Variants in PER3 observed in about 807,000 individuals in gnomAD.
PER3 encodes the protein period circadian regulator 3, also known as period circadian protein homolog 3.
Under a neutral mutation model 127.2 loss-of-function variants are expected in PER3, and 107 were observed. The observed-to-expected ratio is 0.84, with a 90% CI of 0.72 to 0.99. The LOEUF (loss-of-function observed/expected upper bound fraction) is 0.99, where lower values mean the gene tolerates loss of function less well. PER3 is among the 50% of genes least tolerant of loss of function. The pLI, the probability that PER3 is intolerant of heterozygous loss-of-function variation, is 0.00. For synonymous variants in PER3, 618 were observed against 585.8 expected (o/e 1.05, Z -0.79); for missense variants, 1,560 against 1,525.8 (o/e 1.02, Z -0.37).
At chr1:7,831,245 C>T (rs1350974724) in intron 19 of PER3, among the ~76,000 whole-genome samples, 7 of 152,112 alleles carry the variant, frequency 4.6e-5, no homozygotes, top group Non-Finnish European at 1.5e-5. Context: ...TTTAAATTTT[C>T]AATTTGCAAT....
intron 18 of PER3, among the ~76,000 whole-genome samples, chr1:7,829,520 A>G (rs1320974128): frequency 6.6e-6 from 1 of 152,224 alleles, no homozygotes; most frequent in Non-Finnish European, 1.5e-5. Flanking sequence ...TGTTACTTGA[A>G]CACAAGCACT....
At chr1:7,823,818 C>T (rs540303980) in intron 16 of PER3, among the ~76,000 whole-genome samples, 5 of 152,296 alleles carry the variant, frequency 3.3e-5, no homozygotes, top group African/African-American at 4.8e-5. Flanking sequence ...ACTTAGAGAA[C>T]GTGAGACCCA....
intron 6 of PER3, among the ~76,000 whole-genome samples, chr1:7,795,909 C>T (rs1448657274): frequency 6.6e-6 from 1 of 152,204 alleles, no homozygotes; most frequent in Non-Finnish European, 1.5e-5. Context: ...CCCCTCTTCC[C>T]AGGTTACCAG....
chr1:7,835,872 G>T lies in PER3; in HGVS notation c.3325G>T (p.Ala1109Ser). The T allele has an allele frequency of 3.1e-6, 5 of 1,611,154 alleles. No individual in the cohort carries two copies. The highest frequency in any genetic ancestry group is 4.2e-6 in the Non-Finnish European group (5 of 1,177,272). The change falls in exon 20 of 22, where the codon GCC becomes TCC. Residue 1109 changes from alanine to serine, a missense_variant. Ala to Ser is a moderately conservative substitution (Grantham distance 99). Transcript: ENST00000377532. ...VQKKETFPNVAEEPIWRMIRQ... is the reference protein window; with the variant it reads ...VQKKETFPNVSEEPIWRMIRQ... ...GAAAAAAGAAACATTTCCTAATGTC[G>T]CCGAAGAGCCCATCTGGAGAATGAT...
intron 16 of PER3, among the ~76,000 whole-genome samples, chr1:7,825,793 A>C (rs2097298635): frequency 6.6e-6 from 1 of 152,106 alleles, no homozygotes; most frequent in Non-Finnish European, 1.5e-5. Flanking sequence ...TGGGAGGCTG[A>C]AGCAGGAGAA....
At chr1:7,786,600 T>C in intron 3 of PER3, 121 bp from the exon 4 acceptor site, 1 of 576,038 alleles carries the variant, frequency 1.7e-6, no homozygotes, top group Non-Finnish European at 3.2e-6. Context: ...GATCTGTTTT[T>C]GAGAAAAATG....
chr1:7,796,744 G>A (rs967914262), intron 6 of PER3, among the ~76,000 whole-genome samples: 1 of 152,098 alleles, frequency 6.6e-6, no homozygotes, highest in Non-Finnish European at 1.5e-5. Flanking sequence ...CCAGCGTTCC[G>A]GGGGGAGGTA....
intron 16 of PER3, among the ~76,000 whole-genome samples, chr1:7,821,671 C>T (rs576739487): frequency 5.9e-5 from 9 of 152,160 alleles, no homozygotes; most frequent in African/African-American, 2.2e-4. Flanking sequence ...CTTATATGAC[C>T]GTTTTTAATG....
intron 10 of PER3, among the ~76,000 whole-genome samples, chr1:7,806,449 C>G (rs1175872083): frequency 3.9e-5 from 6 of 152,132 alleles, no homozygotes; most frequent in Non-Finnish European, 5.9e-5. Context: ...TTCATGAAGG[C>G]TGTCTCCTTA....
At chr1:7,806,812 A>AAAAAAAAAAAAAAATATATATATATATAT (rs61141023) in intron 10 of PER3, among the ~76,000 whole-genome samples, 1 of 60,632 alleles carries the variant, frequency 1.6e-5, no homozygotes, top group Non-Finnish European at 2.9e-5. Context: ...AAAAAAAAAA[A>AAAAAAAAAAAAAAATATATATATATATAT]ATATATATAT....
At chr1:7,828,959 G>A (rs2097315685) in intron 18 of PER3, among the ~76,000 whole-genome samples, 1 of 152,104 alleles carries the variant, frequency 6.6e-6, no homozygotes, top group African/African-American at 2.4e-5. Flanking sequence ...CTACTTGTGG[G>A]GTGCCTGGCA....
rs778942800 is a variant in PER3, at chr1:7,794,025, G to T, written c.644+17G>T. On this transcript the variant is annotated intron_variant, in intron 6 of 21. Coordinates refer to ENST00000377532, the MANE Select transcript of PER3 (RefSeq NM_001377275.1). ...CAGGATCCGGTAAGTATAGTGGCTC[G>T]TGGAAGCCAGCAACAGTGGATTATG... 4 of 1,601,856 alleles carry T rather than the reference G, an allele frequency of 2.5e-6. No individual in the cohort carries two copies. Among genetic ancestry groups the T allele is most frequent in the Non-Finnish European group, 2.6e-6 (3 of 1,169,500 alleles).
chr1:7,785,532 C>G lies in PER3; in HGVS notation c.220C>G (p.Pro74Ala), dbSNP rs1031197812. The G allele has an allele frequency of 3.1e-6, 5 of 1,612,932 alleles. No homozygotes were observed. In the African/African-American group the frequency reaches 5.3e-5, roughly 17 times the overall value. The change falls in exon 3 of 22, where the codon CCA (proline) becomes GCA (alanine). Residue 74 changes from proline to alanine, a missense_variant. Physicochemically the swap from Pro to Ala is conservative, Grantham distance 27. Coordinates refer to ENST00000377532, the MANE Select transcript of PER3 (RefSeq NM_001377275.1). The stretch of plus-strand genomic sequence containing the variant: ...CTTCCCCTCGGAGAGACGCAATAAA[C>G]CAAGCACTCTAGATGCCCTCAACTA... Reference protein sequence around the residue: ...KYFPSERRNKPSTLDALNYAL... With the variant: ...KYFPSERRNKASTLDALNYAL...
At chr1:7,808,668 C>T (rs2097206547) in intron 10 of PER3, among the ~76,000 whole-genome samples, 1 of 152,192 alleles carries the variant, frequency 6.6e-6, no homozygotes, top group Non-Finnish European at 1.5e-5. Flanking sequence ...GAAACCATTA[C>T]AGAAAGATGA....
rs189128825 is a variant in PER3, at chr1:7,826,149, C to T, written c.1958-331C>T. ...TTAATACTTCCTGATTTTTGAACCA[C>T]ATGAATATATTACCTATTTAAAAGG... On this transcript the variant is annotated intron_variant, in intron 16 of 21. Transcript: ENST00000377532. This position sits in a 1 kb window ranked among gnomAD's most constrained non-coding sequence, Gnocchi z 4.2. Among the ~76,000 whole-genome samples the T allele has an allele frequency of 1.1e-3, 173 of 152,092 alleles. No individual in the cohort carries two copies. Among genetic ancestry groups the T allele is most frequent in the Non-Finnish European group, 2.0e-3 (134 of 68,008 alleles).
intron 6 of PER3, among the ~76,000 whole-genome samples, chr1:7,796,222 G>T (rs1209193456): frequency 6.6e-6 from 1 of 152,068 alleles, no homozygotes; most frequent in Non-Finnish European, 1.5e-5. Context: ...ACATTTGGAG[G>T]CCAAATCTGG....
chr1:7,792,738 A>T (rs1242496988), intron 5 of PER3, among the ~76,000 whole-genome samples: 2 of 152,208 alleles, frequency 1.3e-5, no homozygotes, highest in African/African-American at 4.8e-5. Flanking sequence ...TCTATTTAAC[A>T]TGTCTTGTAC....
At chr1:7,789,282 A>G (rs1451947095) in intron 5 of PER3, among the ~76,000 whole-genome samples, 2 of 152,092 alleles carry the variant, frequency 1.3e-5, no homozygotes, top group African/African-American at 2.4e-5. Context: ...CTCATGTTGA[A>G]TTGTAACTCC....
chr1:7,815,535 T>G (rs1171570706), intron 13 of PER3, among the ~76,000 whole-genome samples: 4 of 152,208 alleles, frequency 2.6e-5, no homozygotes, highest in South Asian at 2.1e-4. Context: ...CTTACATGTT[T>G]ATGTATCTAA....
Sources: gnomAD v4.1 joint callset for allele counts (sites outside exome capture counted in the v4.1 genomes callset) on GRCh38, gnomAD v4.1.1 for gene constraint, Gnocchi (gnomAD v3.1) non-coding constraint, MANE v1.5 for transcripts, NCBI Gene and HGNC (gene_info 2026-07-23, HGNC 2026-07-21) for gene names.